The following STMN4 variants were observed in gnomAD, a reference collection of about 807,000 sequenced individuals.
STMN4 encodes stathmin-4.
In STMN4, 12 loss-of-function variants were observed where a neutral mutation model predicts 29.1. The observed-to-expected ratio is 0.41, with a 90% CI of 0.26 to 0.67. STMN4 has a LOEUF of 0.67. Ranked by LOEUF, STMN4 falls within the 30% of genes least tolerant of loss-of-function variation. The pLI, the probability that STMN4 is intolerant of heterozygous loss-of-function variation, is 0.30. For missense variants in STMN4, 181 were observed against 262.8 expected, an observed-to-expected ratio of 0.69 and a Z score of 2.15; for synonymous variants, 114 against 105.3, an observed-to-expected ratio of 1.08 and a Z score of -0.51.
chr8:27,241,348 G>A lies in STMN4; in HGVS notation c.191-86C>T, dbSNP rs535275941. 3.1e-4 allele frequency: 479 copies of A among 1,552,356 alleles called. 4 individuals carry two copies. In the South Asian group the frequency reaches 5.1e-3, roughly 17 times the overall value. On this transcript the variant is annotated intron_variant, in intron 4 of 6. Coordinates refer to ENST00000350889, the MANE Select transcript of STMN4 (RefSeq NM_030795.4). Reference sequence around the variant, plus strand: ...ATGCGGCGCATGCACACGGGAGTGGGAGAACTGGGGCCCCAAGCAAGCTGG... The same window carrying A: ...ATGCGGCGCATGCACACGGGAGTGGAAGAACTGGGGCCCCAAGCAAGCTGG...
At chr8:27,245,846 A>G (rs1164102191) in intron 1 of STMN4, among the ~76,000 whole-genome samples, 14 of 152,194 alleles carry the variant, frequency 9.2e-5, no homozygotes. Flanking sequence ...AGAAATGATG[A>G]TAGGACCCTG....
In STMN4 at chr8:27,250,994, A is replaced by T. The variant is rs190076770; in HGVS notation, c.-78-7193T>A. Among the ~76,000 whole-genome samples, 476 of 151,226 alleles carry T rather than the reference A, an allele frequency of 3.1e-3. 4 individuals carry two copies. The highest frequency in any genetic ancestry group is 2.2e-3 in the Non-Finnish European group (145 of 67,352). On this transcript the variant is annotated intron_variant, in intron 1 of 6. Coordinates refer to ENST00000350889, the MANE Select transcript of STMN4 (RefSeq NM_030795.4). ...CTGAGTGCGATGGCTCATGCCTGTA[A>T]TCCCAACACTTTGGGAGGCTGAGGC...
rs765707613 is a variant in STMN4 at position 27,240,121 on chromosome 8, C to T, written c.441G>A (p.Arg147=). The T allele has an allele frequency of 1.6e-5, 26 of 1,614,054 alleles. No homozygotes were observed. Among genetic ancestry groups the T allele is most frequent in the Admixed American group, 5.0e-5 (3 of 59,994 alleles). The change falls in exon 6 of 7, where the codon CGG becomes CGA. Residue 147 remains arginine (R), a synonymous_variant. Coordinates refer to ENST00000350889, the MANE Select transcript of STMN4 (RefSeq NM_030795.4). ...AELLKHLAEK[R]EHEREVIQKA... Reference sequence around the variant, plus strand: ...TTTGGATCACCTCTCTCTCATGTTCCCGTTTCTCTGCTAGGTGTTTCAGGA... The same window carrying T: ...TTTGGATCACCTCTCTCTCATGTTCTCGTTTCTCTGCTAGGTGTTTCAGGA...
chr8:27,251,894 T>C (rs56272535), intron 1 of STMN4, among the ~76,000 whole-genome samples: 9,469 of 151,882 alleles, frequency 0.062, 410 homozygotes, highest in Non-Finnish European at 0.092. Context: ...TGTGCCATGC[T>C]GGTGTGCTGC....
At chr8:27,254,274 A>G (rs1298368713) in intron 1 of STMN4, among the ~76,000 whole-genome samples, 1 of 152,124 alleles carries the variant, frequency 6.6e-6, no homozygotes, top group Non-Finnish European at 1.5e-5. Context: ...CTGGCTGTCT[A>G]GGCACAGACT....
At chr8:27,244,084 A>G (rs1484328581) in intron 1 of STMN4, among the ~76,000 whole-genome samples, 1 of 152,184 alleles carries the variant, frequency 6.6e-6, no homozygotes, top group African/African-American at 2.4e-5. Flanking sequence ...AAACGTATGG[A>G]TCAAGGGGTG....
At chr8:27,244,761 A>G (rs1801578090) in intron 1 of STMN4, among the ~76,000 whole-genome samples, 1 of 152,214 alleles carries the variant, frequency 6.6e-6, no homozygotes, top group Admixed American at 6.5e-5. Context: ...GGGGCGGGGC[A>G]GGAGACAAAA....
intron 4 of STMN4, 84 bp downstream of exon 4, chr8:27,241,593 G>C (rs76116722): frequency 6.7e-7 from 1 of 1,497,330 alleles, no homozygotes; most frequent in Non-Finnish European, 9.3e-7. Context: ...TGACAGGCAG[G>C]GGTGCGTTTC....
At chr8:27,242,181 G>A in intron 3 of STMN4, 1 of 591,796 alleles carries the variant, frequency 1.7e-6, no homozygotes. Context: ...CACTCTGGGG[G>A]GCGCCTGATG....
rs1042164756 is a variant in STMN4 at position 27,242,412 on chromosome 8, A to T, written c.94T>A (p.Ser32Thr). The T allele has an allele frequency of 1.9e-6, 3 of 1,614,080 alleles. No homozygotes were observed. The highest frequency in any genetic ancestry group is 2.5e-6 in the Non-Finnish European group (3 of 1,180,002). Residue 32 changes from serine to threonine, a missense_variant, in exon 3 of 7, where the codon TCC (serine) becomes ACC (threonine). Transcript: ENST00000350889. ...CTTCACTGACCTTCATATTTGTAGG[A>T]CGACTTATTCAGGGGATCGGCCAGG... ...CFLADPLNKS[S>T]YKYEGWCGRQ...
intron 5 of STMN4, among the ~76,000 whole-genome samples, chr8:27,240,792 C>T (rs1801447254): frequency 6.6e-6 from 1 of 152,110 alleles, no homozygotes; most frequent in South Asian, 2.1e-4. Context: ...TTATTTTTGC[C>T]ACCATGCATA....
chr8:27,247,254 C>A (rs923664396), intron 1 of STMN4, among the ~76,000 whole-genome samples: 800 of 107,322 alleles, frequency 7.5e-3, no homozygotes, highest in East Asian at 0.01. Context: ...GACTTTGTCT[C>A]AAAAAAAAAA....
intron 6 of STMN4, 71 bp from the exon 7 acceptor site, chr8:27,236,976 C>A: frequency 6.6e-7 from 1 of 1,518,172 alleles, no homozygotes; most frequent in South Asian, 1.2e-5. Context: ...GGCCAAGGGG[C>A]AAGAGAACCA....
At chr8:27,237,325 C>T (rs182108070) in intron 6 of STMN4, among the ~76,000 whole-genome samples, 2 of 152,356 alleles carry the variant, frequency 1.3e-5, no homozygotes, top group Admixed American at 1.3e-4. Context: ...AAATCACATG[C>T]ACCTGCCTGC....
chr8:27,239,459 G>T, intron 6 of STMN4: 1 of 731,638 alleles, frequency 1.4e-6, no homozygotes, highest in Non-Finnish European at 2.2e-6. Flanking sequence ...TCCATTTATT[G>T]ACAAAAGGCA....
chr8:27,238,771 C>G (rs1801382281), intron 6 of STMN4, among the ~76,000 whole-genome samples: 1 of 152,242 alleles, frequency 6.6e-6, no homozygotes, highest in Non-Finnish European at 1.5e-5. Context: ...TTTTTCTCAT[C>G]TGCAAAATAA....
At chr8:27,244,446 G>A (rs112711154) in intron 1 of STMN4, among the ~76,000 whole-genome samples, 18 of 152,186 alleles carry the variant, frequency 1.2e-4, no homozygotes, top group African/African-American at 9.6e-5. Flanking sequence ...AGAAATCAGC[G>A]TGAGGAATTG....
At chr8:27,240,273 T>A in intron 5 of STMN4, 111 bp from the exon 6 acceptor site, 1 of 1,187,548 alleles carries the variant, frequency 8.4e-7, no homozygotes, top group Non-Finnish European at 1.2e-6. Flanking sequence ...TCCCTGGGCC[T>A]GGTCCCCAGA....
At chr8:27,250,380 T>A (rs1801748077) in intron 1 of STMN4, among the ~76,000 whole-genome samples, 1 of 152,234 alleles carries the variant, frequency 6.6e-6, no homozygotes, top group Non-Finnish European at 1.5e-5. Context: ...GAGTATTTAA[T>A]TATGTGCCAA....
Sources: allele counts gnomAD v4.1 joint callset (sites outside exome capture counted in the v4.1 genomes callset), GRCh38; gene constraint gnomAD v4.1.1; transcripts MANE v1.5; gene names NCBI Gene and HGNC (gene_info 2026-07-23, HGNC 2026-07-21).